The following CD99L2 variants were observed in gnomAD, a reference collection of about 807,000 sequenced individuals.
CD99L2 encodes the protein CD99 antigen-like protein 2.
CD99L2 carries 24 observed loss-of-function variants against 27.3 expected under a neutral mutation model. That is an observed-to-expected ratio of 0.88 (90% CI 0.64 to 1.24). CD99L2 has a LOEUF of 1.24. Among genes scored for constraint, CD99L2 ranks in the 50% most tolerant of loss-of-function variants. CD99L2 has a pLI of 0.00. For synonymous variants in CD99L2, 97 were observed against 87.9 expected, an observed-to-expected ratio of 1.10 and a Z score of -0.58; for missense variants, 255 against 221.6, an observed-to-expected ratio of 1.15 and a Z score of -0.96.
intron 4 of CD99L2, among the ~76,000 whole-genome samples, chrX:150,808,519 G>A (rs781843906): frequency 9.0e-6 from 1 of 111,689 alleles, no homozygotes; most frequent in Non-Finnish European, 1.9e-5. Flanking sequence ...AGATAAACAT[G>A]GTAGACAGAA....
At chrX:150,806,649 G>T (rs1287912031) in intron 4 of CD99L2, among the ~76,000 whole-genome samples, 2 of 111,866 alleles carry the variant, frequency 1.8e-5, no homozygotes, top group Non-Finnish European at 3.8e-5. Context: ...CCAGCACTTT[G>T]GGAGGCCGAG....
intron 4 of CD99L2, among the ~76,000 whole-genome samples, chrX:150,812,571 G>C (rs781858044): frequency 1.8e-5 from 2 of 112,541 alleles, no homozygotes; most frequent in East Asian, 2.8e-4. Flanking sequence ...TGAAGATACA[G>C]AGAAAATGGC....
At chrX:150,771,835 C>A (rs1349850782) in intron 9 of CD99L2, 4 of 1,154,198 alleles carry the variant, frequency 3.5e-6, no homozygotes, top group Non-Finnish European at 4.6e-6. Context: ...GAAGGCAAGA[C>A]ACAAAGCTTA....
At chrX:150,791,729 G>A (rs1337680537) in intron 7 of CD99L2, among the ~76,000 whole-genome samples, 1 of 110,987 alleles carries the variant, frequency 9.0e-6, no homozygotes, top group Non-Finnish European at 1.9e-5. Context: ...TGGGCAGGAA[G>A]GAAATAAGGG....
intron 7 of CD99L2, among the ~76,000 whole-genome samples, chrX:150,791,435 A>T (rs2045685937): frequency 9.0e-6 from 1 of 111,195 alleles, no homozygotes; most frequent in Admixed American, 9.6e-5. Context: ...AGTGAATGAG[A>T]CTCATGAATG....
At chrX:150,810,926 G>C (rs1280357472) in intron 4 of CD99L2, among the ~76,000 whole-genome samples, 3 of 111,979 alleles carry the variant, frequency 2.7e-5, no homozygotes, top group African/African-American at 9.7e-5. Flanking sequence ...ATCTGGCCAG[G>C]CGTGGTGGCT....
At chrX:150,865,873 C>T (rs1159097515) in intron 1 of CD99L2, among the ~76,000 whole-genome samples, 1 of 112,657 alleles carries the variant, frequency 8.9e-6, no homozygotes, top group African/African-American at 3.2e-5. Context: ...GTCATCCCAA[C>T]ACTTTGGGAG....
intron 1 of CD99L2, among the ~76,000 whole-genome samples, chrX:150,856,281 T>C (rs2124306361): frequency 8.9e-6 from 1 of 112,826 alleles, no homozygotes; most frequent in Non-Finnish European, 1.9e-5. Flanking sequence ...GTGGTGGTTC[T>C]TGGCAAACAG....
At chrX:150,815,064 T>G (rs1382996047) in intron 3 of CD99L2, 128 bp from the exon 4 acceptor site, 5 of 588,471 alleles carry the variant, frequency 8.5e-6, no homozygotes, top group Non-Finnish European at 1.3e-5. Flanking sequence ...ACAAAGAGAC[T>G]TATATTGGAA....
chrX:150,825,084 AAT>A (rs2046349470), intron 2 of CD99L2, among the ~76,000 whole-genome samples: 1 of 112,125 alleles, frequency 8.9e-6, no homozygotes, highest in Admixed American at 9.5e-5. Context: ...TTTTGTCTCT[AAT>A]TTCCATTTGA....
intron 1 of CD99L2, among the ~76,000 whole-genome samples, chrX:150,838,591 T>C (rs1465479028): frequency 1.9e-5 from 2 of 105,032 alleles, no homozygotes; most frequent in Admixed American, 1.1e-4. Context: ...CCAGGATATA[T>C]AACCTCAAAA....
In CD99L2 at chrX:150,795,209, C is replaced by T; in HGVS notation, c.427G>A (p.Gly143Arg). The change falls in exon 6 of 11, where the codon GGA becomes AGA. Residue 143 changes from glycine to arginine, a missense_variant. Coordinates refer to ENST00000370377, the MANE Select transcript of CD99L2 (RefSeq NM_031462.4). ...AACCAGACCAGGTGGGACTCACCTCCTCCTCCAGCAATTGGTTTCCTGCGG... is the reference window on the plus strand; with the variant it reads ...AACCAGACCAGGTGGGACTCACCTCTTCCTCCAGCAATTGGTTTCCTGCGG... ...DGRRKPIAGGGGFSDKDLEDI... is the reference protein window; with the variant it reads ...DGRRKPIAGGRGFSDKDLEDI... 1 of 1,211,501 alleles carries T rather than the reference C, an allele frequency of 8.3e-7. No homozygotes were observed. The highest frequency in any genetic ancestry group is 1.1e-6 in the Non-Finnish European group (1 of 895,284).
chrX:150,778,678 A>AT (rs1557419359), intron 7 of CD99L2, among the ~76,000 whole-genome samples: 131 of 23,339 alleles, frequency 5.6e-3, no homozygotes, highest in African/African-American at 0.015. Context: ...TATAATAAAA[A>AT]AAAAAAAATA....
At chrX:150,791,471 C>T (rs1403090629) in intron 7 of CD99L2, among the ~76,000 whole-genome samples, 2 of 110,743 alleles carry the variant, frequency 1.8e-5, no homozygotes, top group African/African-American at 6.6e-5. Flanking sequence ...TGAGAAAGGG[C>T]CCAGGAGGAA....
At chrX:150,774,294 G>C (rs1355923588) in intron 9 of CD99L2, among the ~76,000 whole-genome samples, 1 of 111,707 alleles carries the variant, frequency 9.0e-6, no homozygotes, top group African/African-American at 3.3e-5. Flanking sequence ...TTGAGAACCT[G>C]GATGCTTATC....
chrX:150,824,419 AG>A (rs1323599583), intron 2 of CD99L2, among the ~76,000 whole-genome samples: 14 of 102,618 alleles, frequency 1.4e-4, no homozygotes, highest in African/African-American at 5.0e-4. Context: ...GAAAAGAAGA[AG>A]AAAAGAGAAG....
At chrX:150,815,931 A>G (rs1215917945) in intron 3 of CD99L2, 76 bp downstream of exon 3, 1 of 958,738 alleles carries the variant, frequency 1.0e-6, no homozygotes, top group African/African-American at 1.9e-5. Context: ...AACTGTAGGT[A>G]GTTCACTTGC....
At chrX:150,792,995 T>A (rs1248187670) in intron 7 of CD99L2, among the ~76,000 whole-genome samples, 1 of 111,884 alleles carries the variant, frequency 8.9e-6, no homozygotes, top group Non-Finnish European at 1.9e-5. Flanking sequence ...TTCTGCCTGC[T>A]AATTATGGTA....
At chrX:150,812,961 C>T (rs1164268536) in intron 4 of CD99L2, among the ~76,000 whole-genome samples, 1 of 110,499 alleles carries the variant, frequency 9.0e-6, no homozygotes, top group African/African-American at 3.4e-5. Flanking sequence ...ATTTACATAA[C>T]ATTTTTGAAA....
Sources: allele counts gnomAD v4.1 joint callset (sites outside exome capture counted in the v4.1 genomes callset), GRCh38; gene constraint gnomAD v4.1.1; transcripts MANE v1.5; gene names NCBI Gene and HGNC (gene_info 2026-07-23, HGNC 2026-07-21).